TNIK: variants seen among roughly 807,000 people sequenced by gnomAD.
The protein encoded by TNIK is TRAF2 and NCK-interacting protein kinase.
TNIK carries 49 observed loss-of-function variants against 191.3 expected under a neutral mutation model. That is an observed-to-expected ratio of 0.26 (90% CI 0.20 to 0.32). TNIK has a LOEUF of 0.32. Among genes scored for constraint, TNIK ranks in the 10% least tolerant of loss-of-function variants. The pLI, the probability that TNIK is intolerant of heterozygous loss-of-function variation, is 1.00. For synonymous variants in TNIK, 594 were observed against 600.9 expected (o/e 0.99, Z 0.17); for missense variants, 1,155 against 1,702.3 (o/e 0.68, Z 5.66).
intron 7 of TNIK, among the ~76,000 whole-genome samples, chr3:171,182,001 C>CAGT (rs553191956): frequency 3.2e-3 from 494 of 152,184 alleles, no homozygotes; most frequent in Non-Finnish European, 5.9e-3. Flanking sequence ...TTATTTAGTA[C>CAGT]ACATCACCTC....
chr3:171,243,118 C>T (rs1296255343), intron 2 of TNIK, among the ~76,000 whole-genome samples: 1 of 152,124 alleles, frequency 6.6e-6, no homozygotes. Context: ...CTTGTTATGC[C>T]TGTTTTCCCT....
intron 12 of TNIK, among the ~76,000 whole-genome samples, chr3:171,151,341 A>C (rs989562444): frequency 7.9e-5 from 12 of 152,254 alleles, no homozygotes; most frequent in Admixed American, 2.0e-4. Flanking sequence ...GCATAGAAAG[A>C]AGCTTACCTA....
rs773487031 is a variant in TNIK at position 171,063,057 on chromosome 3, T to C, written c.*824A>G. ...TTGCATAATAGCTGAGGGAAAGTTG[T>C]GTTAGAGTGTCCCTCCATCGCTAGG... On this transcript the variant is annotated 3_prime_UTR_variant, in exon 33 of 33. Coordinates refer to ENST00000436636, the MANE Select transcript of TNIK (RefSeq NM_015028.4). 1 of 152,226 alleles carries C rather than the reference T, an allele frequency of 6.6e-6. No individual in the cohort carries two copies. The highest frequency in any genetic ancestry group is 1.5e-5 in the Non-Finnish European group (1 of 68,064). The allele number at this position is 152,226 out of a possible 1,614,324, so 9.4% of individuals were successfully genotyped here.
chr3:171,138,295 A>T lies in TNIK; in HGVS notation c.1504T>A (p.Ser502Thr). 6.2e-7 allele frequency: 1 copy of T among 1,613,402 alleles called. No individual in the cohort carries two copies. The highest frequency in any genetic ancestry group is 8.5e-7 in the Non-Finnish European group (1 of 1,179,748). ...TGCTCCTGCCGCTGATGCTGAAGGGAAACTAAGTAGTCTCTTTCTTGCTTT... is the reference window on the plus strand; with the variant it reads ...TGCTCCTGCCGCTGATGCTGAAGGGTAACTAAGTAGTCTCTTTCTTGCTTT... ...QLKQERDYLV[S>T]LQHQRQEQRP... The change falls in exon 15 of 33, where the codon TCC (serine) becomes ACC (threonine). Residue 502 changes from serine to threonine, a missense_variant. By Grantham distance (58) the Ser-to-Thr change is moderately conservative. Around this residue, in one of 3 missense-constraint regions of TNIK, gnomAD observed 735 missense variants for 848.0 expected, o/e 0.87. Coordinates refer to ENST00000436636, the MANE Select transcript of TNIK (RefSeq NM_015028.4).
chr3:171,206,382 A>G (rs13062987), intron 4 of TNIK, among the ~76,000 whole-genome samples: 47,836 of 146,108 alleles, frequency 0.33, 7,874 homozygotes, highest in Middle Eastern at 0.45. Flanking sequence ...ACTGGGGAGT[A>G]AATAAATGAA....
At chr3:171,327,584 G>A (rs995582327) in intron 2 of TNIK, among the ~76,000 whole-genome samples, 4 of 152,222 alleles carry the variant, frequency 2.6e-5, no homozygotes, top group African/African-American at 9.6e-5. Flanking sequence ...AAAGTTACCA[G>A]GATGCCCGTG....
intron 3 of TNIK, among the ~76,000 whole-genome samples, chr3:171,220,337 C>A (rs919778349): frequency 9.9e-5 from 15 of 152,056 alleles, no homozygotes; most frequent in African/African-American, 3.4e-4. Flanking sequence ...CACGTGTATA[C>A]CTATGTAGCA....
intron 2 of TNIK, among the ~76,000 whole-genome samples, chr3:171,262,984 C>T (rs1051926491): frequency 6.6e-6 from 1 of 152,152 alleles, no homozygotes; most frequent in African/African-American, 2.4e-5. Flanking sequence ...TAGTGCTGGA[C>T]ATTATCATGC....
chr3:171,106,888 G>C (rs558513900), intron 21 of TNIK: 141 of 495,490 alleles, frequency 2.8e-4, no homozygotes, highest in African/African-American at 2.3e-3. Context: ...TTTGCTATTG[G>C]AAGATACTGG....
chr3:171,448,898 C>T (rs896133930), intron 1 of TNIK, among the ~76,000 whole-genome samples: 4 of 152,078 alleles, frequency 2.6e-5, no homozygotes, highest in African/African-American at 9.7e-5. Flanking sequence ...GCTATCCCTC[C>T]CCTAGCCCCC....
chr3:171,312,142 G>C (rs2131364), intron 2 of TNIK, among the ~76,000 whole-genome samples: 1 of 90,202 alleles, frequency 1.1e-5, no homozygotes, highest in African/African-American at 4.6e-5. Context: ...AAAAAAAAAA[G>C]GGCTAGACTG....
At chr3:171,099,148 T>G (rs1723110111) in intron 22 of TNIK, among the ~76,000 whole-genome samples, 1 of 152,092 alleles carries the variant, frequency 6.6e-6, no homozygotes, top group African/African-American at 2.4e-5. Context: ...TCCAGTCTGT[T>G]CCCTTTTCAA....
intron 2 of TNIK, among the ~76,000 whole-genome samples, chr3:171,264,710 G>A (rs1012886896): frequency 6.6e-6 from 1 of 152,168 alleles, no homozygotes; most frequent in African/African-American, 2.4e-5. Flanking sequence ...TGGAATCAAT[G>A]AATGTGCACA....
intron 2 of TNIK, among the ~76,000 whole-genome samples, chr3:171,276,960 T>C (rs13072078): frequency 0.18 from 27,181 of 152,224 alleles, 2,617 homozygotes; most frequent in African/African-American, 0.2. Context: ...TTTAAATGTG[T>C]CCTTCCAAGT....
In TNIK at chr3:171,128,753, A is replaced by G. The variant is rs1217050423; in HGVS notation, c.1734T>C (p.Pro578=). The change falls in exon 16 of 33, where the codon CCT becomes CCC. Residue 578 remains proline (P), a synonymous_variant. Coordinates refer to ENST00000436636, the MANE Select transcript of TNIK (RefSeq NM_015028.4). The part of the protein sequence containing the change: ...SESFSISGVQ[P]ARTPPMLRPV... The stretch of plus-strand genomic sequence containing the variant: ...GTCTGAGCATGGGGGGTGTTCGAGC[A>G]GGCTGAACTCCACTAATGCTGAAGG... The G allele has an allele frequency of 1.9e-6, 3 of 1,613,538 alleles. No individual in the cohort carries two copies. Among genetic ancestry groups the G allele is most frequent in the African/African-American group, 2.7e-5 (2 of 74,852 alleles).
chr3:171,375,707 T>C (rs1268711546), intron 1 of TNIK, among the ~76,000 whole-genome samples: 1 of 152,174 alleles, frequency 6.6e-6, no homozygotes, highest in Non-Finnish European at 1.5e-5. Context: ...CTGGGCTAAA[T>C]CCCAAAGATT....
intron 2 of TNIK, among the ~76,000 whole-genome samples, chr3:171,353,242 T>C (rs1362153550): frequency 6.6e-6 from 1 of 152,238 alleles, no homozygotes; most frequent in Non-Finnish European, 1.5e-5. Context: ...GACCCCACCA[T>C]GCTTTCATTA....
At chr3:171,459,905 C>G in intron 1 of TNIK, 102 bp downstream of exon 1, 2 of 1,376,654 alleles carry the variant, frequency 1.5e-6, no homozygotes, top group Non-Finnish European at 2.0e-6. Flanking sequence ...CGCATTCTCC[C>G]GCTGCTGTCC....
intron 4 of TNIK, among the ~76,000 whole-genome samples, chr3:171,205,569 C>A (rs1739955192): frequency 6.6e-6 from 1 of 152,158 alleles, no homozygotes; most frequent in African/African-American, 2.4e-5. Context: ...CTTGCAGATC[C>A]CCCCTTCATC....
Sources: gnomAD v4.1 joint callset for allele counts (sites outside exome capture counted in the v4.1 genomes callset) on GRCh38, gnomAD v4.1.1 for gene constraint, gnomAD v4.1.1 regional missense constraint, MANE v1.5 for transcripts, NCBI Gene and HGNC (gene_info 2026-07-23, HGNC 2026-07-21) for gene names.